Variants in PHACTR1 observed in about 807,000 individuals in gnomAD.
The protein encoded by PHACTR1 is phosphatase and actin regulator 1.
PHACTR1 carries 16 observed loss-of-function variants against 69.2 expected under a neutral mutation model. The observed-to-expected ratio is 0.23, with a 90% CI of 0.16 to 0.35. PHACTR1 has a LOEUF of 0.35. Ranked by LOEUF, PHACTR1 falls within the 10% of genes least tolerant of loss-of-function variation. The pLI is 1.00. For synonymous variants in PHACTR1, 312 were observed against 284.5 expected (o/e 1.10, Z -0.97); for missense variants, 510 against 734.7 (o/e 0.69, Z 3.54).
At chr6:12,799,631 A>G (rs1030693657) in intron 4 of PHACTR1, among the ~76,000 whole-genome samples, 1 of 152,208 alleles carries the variant, frequency 6.6e-6, no homozygotes, top group African/African-American at 2.4e-5. Flanking sequence ...CACCATTGCT[A>G]GAAACTGACA....
intron 4 of PHACTR1, among the ~76,000 whole-genome samples, chr6:12,845,164 C>T (rs866164921): frequency 1.6e-4 from 24 of 152,186 alleles, no homozygotes; most frequent in African/African-American, 5.5e-4. Flanking sequence ...AAATTTACAG[C>T]GTGATTATGT....
chr6:12,887,690 G>A (rs1783772619), intron 4 of PHACTR1, among the ~76,000 whole-genome samples: 1 of 152,068 alleles, frequency 6.6e-6, no homozygotes, highest in Non-Finnish European at 1.5e-5. Flanking sequence ...TACACAGATG[G>A]GTACAACACT....
At chr6:13,038,176 T>C (rs1803613021) in intron 4 of PHACTR1, among the ~76,000 whole-genome samples, 2 of 152,300 alleles carry the variant, frequency 1.3e-5, no homozygotes, top group African/African-American at 4.8e-5. Context: ...CAGATGCTGT[T>C]ATTATCCCCA....
intron 4 of PHACTR1, among the ~76,000 whole-genome samples, chr6:12,946,086 A>G (rs1489576726): frequency 6.6e-6 from 1 of 151,678 alleles, no homozygotes; most frequent in Non-Finnish European, 1.5e-5. Context: ...TCTTTTCTTC[A>G]GTAGACATCT....
At chr6:13,234,022 C>T (rs76667323) in intron 10 of PHACTR1, among the ~76,000 whole-genome samples, 17,618 of 152,226 alleles carry the variant, frequency 0.12, 1,424 homozygotes, top group Admixed American at 0.24. Context: ...GCAGATAGGC[C>T]ATATCTATAC....
intron 4 of PHACTR1, among the ~76,000 whole-genome samples, chr6:12,861,745 C>T (rs2127426053): frequency 6.6e-6 from 1 of 152,326 alleles, no homozygotes; most frequent in South Asian, 2.1e-4. Flanking sequence ...TGTAGGACAT[C>T]TAACCGTATC....
At chr6:13,270,102 C>G (rs541384428) in intron 10 of PHACTR1, among the ~76,000 whole-genome samples, 48 of 152,376 alleles carry the variant, frequency 3.2e-4, no homozygotes, top group African/African-American at 1.1e-3. Flanking sequence ...TTATGACCCA[C>G]TAGCTGTAAA....
chr6:12,933,925 G>A (rs764525929), intron 4 of PHACTR1: 1 of 1,607,756 alleles, frequency 6.2e-7, no homozygotes, highest in South Asian at 1.1e-5. Context: ...ATATGGGAAG[G>A]GAAAATGCGG....
chr6:12,933,949 T>G (rs1789164431), intron 4 of PHACTR1: 1 of 1,592,074 alleles, frequency 6.3e-7, no homozygotes, highest in Non-Finnish European at 8.6e-7. Context: ...GGCGTGTGTA[T>G]TCATTTCCTA....
chr6:13,131,208 TACACACACACACACACACAC>T (rs56329629), intron 5 of PHACTR1, among the ~76,000 whole-genome samples: 6 of 146,430 alleles, frequency 4.1e-5, no homozygotes, highest in African/African-American at 2.6e-5. Context: ...TATATACACA[TACACACACACACACACACAC>T]ACACACACAC....
intron 6 of PHACTR1, among the ~76,000 whole-genome samples, chr6:13,181,035 A>G (rs1250770135): frequency 6.6e-6 from 1 of 152,150 alleles, no homozygotes; most frequent in African/African-American, 2.4e-5. Flanking sequence ...GGTGCTTTAC[A>G]CTGTCCGCTT....
intron 10 of PHACTR1, among the ~76,000 whole-genome samples, chr6:13,243,355 T>C (rs1773133200): frequency 2.0e-5 from 3 of 152,140 alleles, no homozygotes; most frequent in Admixed American, 2.0e-4. Flanking sequence ...AATTTTACCA[T>C]GAAAGGATTT....
intron 4 of PHACTR1, among the ~76,000 whole-genome samples, chr6:13,008,695 C>T (rs1416221624): frequency 6.6e-6 from 1 of 152,218 alleles, no homozygotes; most frequent in Admixed American, 6.5e-5. Context: ...ATTCTGTGTC[C>T]ATGAACCATT....
At chr6:13,104,733 A>G (rs1251268390) in intron 5 of PHACTR1, among the ~76,000 whole-genome samples, 1 of 152,236 alleles carries the variant, frequency 6.6e-6, no homozygotes, top group Non-Finnish European at 1.5e-5. Context: ...TGTCCACTTC[A>G]GAAAGTAATT....
intron 8 of PHACTR1, among the ~76,000 whole-genome samples, chr6:13,225,414 G>C (rs778045086): frequency 2.4e-4 from 37 of 152,146 alleles, no homozygotes; most frequent in Non-Finnish European, 5.0e-4. Context: ...ATCCCTATTT[G>C]ACAAACCCAG....
At chr6:12,818,377 A>T (rs142381921) in intron 4 of PHACTR1, among the ~76,000 whole-genome samples, 3 of 152,216 alleles carry the variant, frequency 2.0e-5, no homozygotes, top group Admixed American at 2.0e-4. Flanking sequence ...GTAGTATTTC[A>T]TCTTCCAGGA....
chr6:13,173,570 T>C (rs1486204022), intron 6 of PHACTR1, among the ~76,000 whole-genome samples: 1 of 152,234 alleles, frequency 6.6e-6, no homozygotes, highest in African/African-American at 2.4e-5. Flanking sequence ...AATTATTACT[T>C]AGTTAACTGT....
At chr6:13,267,542 ACATGGG>A (rs1375394293) in intron 10 of PHACTR1, 1 of 152,146 alleles carries the variant, frequency 6.6e-6, no homozygotes, top group Admixed American at 6.5e-5. Flanking sequence ...AGTGCCTTCT[ACATGGG>A]CAGTGAAAGT....
chr6:12,812,367 T>C (rs752313974), intron 4 of PHACTR1, among the ~76,000 whole-genome samples: 6 of 152,262 alleles, frequency 3.9e-5, no homozygotes, highest in Non-Finnish European at 7.3e-5. Context: ...TAACATTTTT[T>C]AAACACGAAC....
Sources: allele counts gnomAD v4.1 joint callset (sites outside exome capture counted in the v4.1 genomes callset), GRCh38; gene constraint gnomAD v4.1.1; transcripts MANE v1.5; gene names NCBI Gene and HGNC (gene_info 2026-07-23, HGNC 2026-07-21).